STX5: variants seen among roughly 807,000 people sequenced by gnomAD.
STX5 encodes the protein syntaxin-5.
In STX5, 15 loss-of-function variants were observed where a neutral mutation model predicts 42.9. The observed-to-expected ratio is 0.35, with a 90% CI of 0.23 to 0.54. The LOEUF is 0.54. Ranked by LOEUF, STX5 falls within the 20% of genes least tolerant of loss-of-function variation. The pLI, the probability that STX5 is intolerant of heterozygous loss-of-function variation, is 0.91. For synonymous variants in STX5, 184 were observed against 173.2 expected, an observed-to-expected ratio of 1.06 and a Z score of -0.49; for missense variants, 430 against 455.0, an observed-to-expected ratio of 0.95 and a Z score of 0.50.
intron 10 of STX5, 189 bp downstream of exon 10, chr11:62,823,977 C>A: frequency 1.2e-6 from 1 of 808,656 alleles, no homozygotes; most frequent in Non-Finnish European, 1.9e-6. Flanking sequence ...GCACCTGGAA[C>A]AGTGCCTCAC....
At chr11:62,830,645 T>C (rs2084846345) in intron 2 of STX5, 4 of 473,032 alleles carry the variant, frequency 8.5e-6, no homozygotes, top group South Asian at 5.2e-5. Context: ...AATTTTCTCA[T>C]GGTTACAGAG....
intron 10 of STX5, among the ~76,000 whole-genome samples, chr11:62,816,850 G>A (rs2084679347): frequency 1.3e-5 from 2 of 151,220 alleles, no homozygotes; most frequent in Non-Finnish European, 2.9e-5. Context: ...AGCCGAGATT[G>A]CGCCACTACA....
At chr11:62,824,045 C>T (rs2084766757) in intron 10 of STX5, 121 bp downstream of exon 10, 1 of 1,511,182 alleles carries the variant, frequency 6.6e-7, no homozygotes, top group Admixed American at 1.9e-5. Flanking sequence ...AACTGGGTCC[C>T]ATGGGTGGGC....
At chr11:62,819,576 G>A (rs2084716261) in intron 10 of STX5, among the ~76,000 whole-genome samples, 1 of 151,660 alleles carries the variant, frequency 6.6e-6, no homozygotes, top group African/African-American at 2.4e-5. Context: ...GGAGTGCAGT[G>A]GCCCAATCTC....
Position 62,827,402 on chromosome 11 carries a change from C to T in STX5, c.297-4G>A. On this transcript the variant is annotated splice_polypyrimidine_tract_variant and splice_region_variant and intron_variant, in intron 3 of 10. Coordinates refer to ENST00000294179, the MANE Select transcript of STX5 (RefSeq NM_003164.5). ...GCTAAGGTCTTTCCCAATGCGCCTG[C>T]AAATGACCACTAGTCAGACTGTGGG... 6.2e-7 allele frequency: 1 copy of T among 1,614,178 alleles called. No homozygotes were observed. The highest frequency in any genetic ancestry group is 8.5e-7 in the Non-Finnish European group (1 of 1,180,028).
chr11:62,820,669 C>T (rs969764460), intron 10 of STX5, among the ~76,000 whole-genome samples: 7 of 151,458 alleles, frequency 4.6e-5, no homozygotes, highest in African/African-American at 9.7e-5. Context: ...CTACCACGCC[C>T]GGCTAATTTT....
Position 62,831,039 on chromosome 11 carries a change from T to G in STX5, c.205A>C (p.Lys69Gln). ...CTTACCTGACGGGTCTGCAGCGACTTGCAGGCAGACAGAAACTCCTGGGTC... is the reference window on the plus strand; with the variant it reads ...CTTACCTGACGGGTCTGCAGCGACTGGCAGGCAGACAGAAACTCCTGGGTC... ...DRTQEFLSACKSLQTRQNGIQ... is the reference protein window; with the variant it reads ...DRTQEFLSACQSLQTRQNGIQ... Residue 69 changes from lysine (K) to glutamine (Q), a missense_variant, in exon 2 of 11, where the codon AAG becomes CAG. Physicochemically the swap from Lys to Gln is moderately conservative, Grantham distance 53. Coordinates refer to ENST00000294179, the MANE Select transcript of STX5 (RefSeq NM_003164.5). 3.2e-6 allele frequency: 5 copies of G among 1,552,774 alleles called. No individual in the cohort carries two copies. The highest frequency in any genetic ancestry group is 4.4e-6 in the Non-Finnish European group (5 of 1,148,650).
intron 10 of STX5, among the ~76,000 whole-genome samples, chr11:62,819,314 T>C (rs1267669555): frequency 7.6e-6 from 1 of 132,366 alleles, no homozygotes; most frequent in Non-Finnish European, 1.6e-5. Flanking sequence ...AGTTTTCAGA[T>C]GAAAGAAAAC....
At chr11:62,819,121 T>C (rs1184741109) in intron 10 of STX5, among the ~76,000 whole-genome samples, 1 of 144,986 alleles carries the variant, frequency 6.9e-6, no homozygotes, top group Non-Finnish European at 1.5e-5. Context: ...CTCAGGAGGC[T>C]GAGGCAGGAG....
In STX5 at chr11:62,823,586, C is replaced by A. The variant is rs187850783; in HGVS notation, c.908+580G>T. Among the ~76,000 whole-genome samples the A allele has an allele frequency of 6.6e-5, 10 of 152,280 alleles. No homozygotes were observed. In the East Asian group the frequency reaches 1.9e-3, roughly 29 times the overall value. ...TTTGACACAGAATCTGGCTCTGTCACCCAGGCTGGAGTGCAGTGGCACGAT... is the reference window on the plus strand; with the variant it reads ...TTTGACACAGAATCTGGCTCTGTCAACCAGGCTGGAGTGCAGTGGCACGAT... On this transcript the variant is annotated intron_variant, in intron 10 of 10. Coordinates refer to ENST00000294179, the MANE Select transcript of STX5 (RefSeq NM_003164.5).
At position 62,831,312 on chromosome 11, in the gene STX5, C is replaced by G. The variant is rs144533108; in HGVS notation, c.-19-50G>C. On this transcript the variant is annotated intron_variant, in intron 1 of 10. Transcript: ENST00000294179. ...TCCCCAGGCAACTTCTTTACCCAAACTCCCCCGCCCCACCCCAATCAACAA... is the reference window on the plus strand; with the variant it reads ...TCCCCAGGCAACTTCTTTACCCAAAGTCCCCCGCCCCACCCCAATCAACAA... 814 of 1,300,322 alleles carry G rather than the reference C, an allele frequency of 6.3e-4. 3 individuals are homozygous for G. In the African/African-American group the frequency reaches 9.3e-3, roughly 15 times the overall value. 80.5% of individuals were successfully genotyped at this position (1,300,322 alleles called of 1,614,324 possible).
At chr11:62,812,742 T>C (rs1274671252) in intron 10 of STX5, among the ~76,000 whole-genome samples, 2 of 151,806 alleles carry the variant, frequency 1.3e-5, no homozygotes, top group Non-Finnish European at 2.9e-5. Context: ...ATATTCAAAA[T>C]ACAACATAGC....
intron 5 of STX5, among the ~76,000 whole-genome samples, chr11:62,826,083 T>A (rs923949400): frequency 6.6e-6 from 1 of 152,060 alleles, no homozygotes; most frequent in Non-Finnish European, 1.5e-5. Context: ...TGAAATGCCA[T>A]CTCTACTAAA....
chr11:62,818,846 G>A (rs2084705161), intron 10 of STX5, among the ~76,000 whole-genome samples: 1 of 146,402 alleles, frequency 6.8e-6, no homozygotes, highest in South Asian at 2.4e-4. Flanking sequence ...CCTGTCTCAG[G>A]AAAAAATAAA....
chr11:62,820,739 T>C (rs944834372), intron 10 of STX5, among the ~76,000 whole-genome samples: 1 of 151,688 alleles, frequency 6.6e-6, no homozygotes, highest in Non-Finnish European at 1.5e-5. Flanking sequence ...CTCGATCTCC[T>C]GACCTCATGA....
intron 10 of STX5, among the ~76,000 whole-genome samples, chr11:62,808,434 A>G (rs7119371): frequency 4.1e-4 from 44 of 107,172 alleles, no homozygotes; most frequent in South Asian, 1.5e-3. Context: ...CCTCAGGGGG[A>G]AAAAAAAAAA....
At chr11:62,822,271 G>A (rs1430497524) in intron 10 of STX5, among the ~76,000 whole-genome samples, 1 of 151,988 alleles carries the variant, frequency 6.6e-6, no homozygotes, top group East Asian at 1.9e-4. Flanking sequence ...ACTGAGGCAT[G>A]AGAATCACTT....
In STX5 at chr11:62,827,702, G is replaced by A; in HGVS notation, c.226-71C>T. 5 of 1,516,262 alleles carry A rather than the reference G, an allele frequency of 3.3e-6. No homozygotes were observed. The East Asian group carries it at 9.0e-5, about 27-fold the overall frequency. The allele number at this position is 1,516,262 out of a possible 1,614,324, so 93.9% of individuals were successfully genotyped here. On this transcript the variant is annotated intron_variant, in intron 2 of 10. Coordinates refer to ENST00000294179, the MANE Select transcript of STX5 (RefSeq NM_003164.5). ...CAGTTCCAGCTTTCACTCTTCCTGA[G>A]GTGTCCACTAACCTATCTCTAGTGC...
At chr11:62,824,606 A>T (rs1403822542) in intron 8 of STX5, 41 bp from the exon 9 acceptor site, 2 of 1,597,802 alleles carry the variant, frequency 1.3e-6, no homozygotes, top group South Asian at 2.2e-5. Flanking sequence ...TAACAGTTAA[A>T]AGCAGGTTCA....
Sources: gnomAD v4.1 joint callset for allele counts (sites outside exome capture counted in the v4.1 genomes callset) on GRCh38, gnomAD v4.1.1 for gene constraint, MANE v1.5 for transcripts, NCBI Gene and HGNC (gene_info 2026-07-23, HGNC 2026-07-21) for gene names.